The following PRR5L variants were observed in gnomAD, a reference collection of about 807,000 sequenced individuals.
PRR5L encodes the protein proline rich 5 like.
Under a neutral mutation model 36.4 loss-of-function variants are expected in PRR5L, and 21 were observed. The ratio of observed to expected loss-of-function variants is 0.58; its 90% confidence interval spans 0.41 to 0.83. The LOEUF is 0.83. Ranked by LOEUF, PRR5L falls within the 40% of genes least tolerant of loss-of-function variation. PRR5L has a pLI of 0.00. For synonymous variants in PRR5L, 188 were observed against 197.0 expected (o/e 0.95, Z 0.38); for missense variants, 381 against 473.3 (o/e 0.80, Z 1.81).
At position 36,319,350 on chromosome 11, in the gene PRR5L, C is replaced by T. The variant is rs190706434; in HGVS notation, c.-126+22912C>T. On this transcript the variant is annotated intron_variant, in intron 1 of 8. Transcript: ENST00000530639. ...GAGCTAACACAAGGAAGAAAGCAGACAGAAGCCAAGAGATGGACGGATTGG... is the reference window on the plus strand; with the variant it reads ...GAGCTAACACAAGGAAGAAAGCAGATAGAAGCCAAGAGATGGACGGATTGG... Among the ~76,000 whole-genome samples the T allele has an allele frequency of 2.3e-3, 350 of 152,346 alleles. 1 individual carries two copies. The highest frequency in any genetic ancestry group is 8.0e-3 in the African/African-American group (333 of 41,582).
intron 1 of PRR5L, among the ~76,000 whole-genome samples, chr11:36,359,973 G>A (rs1355719705): frequency 1.3e-5 from 2 of 151,598 alleles, no homozygotes; most frequent in African/African-American, 4.8e-5. Context: ...GGAGGCAGAG[G>A]TTGCAGTGAG....
At chr11:36,452,882 A>G (rs1325090358) in intron 8 of PRR5L, among the ~76,000 whole-genome samples, 1 of 152,220 alleles carries the variant, frequency 6.6e-6, no homozygotes, top group Non-Finnish European at 1.5e-5. Context: ...GCTTATTAAA[A>G]CTGTATGTTT....
intron 1 of PRR5L, among the ~76,000 whole-genome samples, chr11:36,372,718 C>T (rs80178114): frequency 0.082 from 12,518 of 152,104 alleles, 902 homozygotes; most frequent in African/African-American, 0.19. Context: ...CAGAACTAGC[C>T]AATTACAGAG....
At chr11:36,429,800 T>C (rs1348752934) in intron 4 of PRR5L, among the ~76,000 whole-genome samples, 2 of 152,172 alleles carry the variant, frequency 1.3e-5, no homozygotes, top group African/African-American at 4.8e-5. Flanking sequence ...AGATTTGTGC[T>C]AAGAAGCATT....
chr11:36,338,684 G>C (rs1043682763), intron 1 of PRR5L, among the ~76,000 whole-genome samples: 1 of 152,128 alleles, frequency 6.6e-6, no homozygotes, highest in Non-Finnish European at 1.5e-5. Context: ...AATTTTGTAT[G>C]GAATAAGATG....
chr11:36,395,034 GGT>G (rs1360861520), intron 1 of PRR5L, among the ~76,000 whole-genome samples: 2 of 152,148 alleles, frequency 1.3e-5, no homozygotes, highest in African/African-American at 4.8e-5. Flanking sequence ...TCTAGGCTCT[GGT>G]GGGGGTGGGT....
At chr11:36,407,882 A>G (rs548487529) in intron 3 of PRR5L, among the ~76,000 whole-genome samples, 2 of 152,344 alleles carry the variant, frequency 1.3e-5, no homozygotes, top group South Asian at 4.1e-4. Flanking sequence ...GTTAGCAGAT[A>G]GACTTTGAAG....
intron 6 of PRR5L, among the ~76,000 whole-genome samples, chr11:36,442,667 A>G (rs113700693): frequency 0.02 from 3,004 of 152,224 alleles, 101 homozygotes; most frequent in African/African-American, 0.068. Context: ...AGATACTCTA[A>G]GTCATCACTC....
chr11:36,393,153 T>C (rs1285044968), intron 1 of PRR5L, among the ~76,000 whole-genome samples: 5 of 152,244 alleles, frequency 3.3e-5, no homozygotes, highest in Non-Finnish European at 7.3e-5. Context: ...TGTTGATTGG[T>C]ATCTTTTGCT....
rs552016296 is a variant in PRR5L, at chr11:36,311,711, G to GT, written c.-126+15277dup. The stretch of plus-strand genomic sequence containing the variant: ...TTTCACACAGGGGCTTTTGCTGAAT[G>GT]TTTTGCTTTTTTACTCTGAGAGCTT... On this transcript the variant is annotated intron_variant, in intron 1 of 8. Transcript: ENST00000530639. 2.6e-4 allele frequency among the ~76,000 whole-genome samples: 39 copies of GT among 152,258 alleles called. No homozygotes were observed. The East Asian group carries it at 6.8e-3, about 26-fold the overall frequency.
intron 3 of PRR5L, among the ~76,000 whole-genome samples, chr11:36,409,762 CTT>C (rs576817397): frequency 7.5e-4 from 114 of 152,324 alleles, no homozygotes; most frequent in African/African-American, 2.5e-3. Flanking sequence ...TGTGTCAACT[CTT>C]TTAAAACTCC....
chr11:36,315,903 G>A (rs1039479383), intron 1 of PRR5L, among the ~76,000 whole-genome samples: 3 of 152,228 alleles, frequency 2.0e-5, no homozygotes, highest in African/African-American at 7.2e-5. Context: ...TAAGAAGTGG[G>A]TGGGCCTGTT....
chr11:36,354,188 C>T (rs187943482), intron 1 of PRR5L, among the ~76,000 whole-genome samples: 2 of 152,292 alleles, frequency 1.3e-5, no homozygotes, highest in Non-Finnish European at 2.9e-5. Context: ...CACTTCCTGA[C>T]TGTTTTGAAG....
At chr11:36,419,095 A>C (rs984520818) in intron 3 of PRR5L, among the ~76,000 whole-genome samples, 160 bp from the exon 4 acceptor site, 2 of 152,080 alleles carry the variant, frequency 1.3e-5, no homozygotes, top group African/African-American at 4.8e-5. Flanking sequence ...CCATCACTGC[A>C]ATTCCATGAT....
intron 7 of PRR5L, among the ~76,000 whole-genome samples, chr11:36,449,442 A>G (rs759783094): frequency 1.3e-5 from 2 of 151,856 alleles, no homozygotes; most frequent in Middle Eastern, 3.2e-3. Context: ...ACCCAACTCC[A>G]CCCTTCCCAA....
At chr11:36,395,921 G>A (rs7112712) in intron 1 of PRR5L, among the ~76,000 whole-genome samples, 20,875 of 151,820 alleles carry the variant, frequency 0.14, 1,962 homozygotes, top group African/African-American at 0.27. Flanking sequence ...GTAGAGACAG[G>A]GTCTCACTAC....
chr11:36,383,254 C>G (rs1286214765), intron 1 of PRR5L, among the ~76,000 whole-genome samples: 1 of 152,080 alleles, frequency 6.6e-6, no homozygotes, highest in Non-Finnish European at 1.5e-5. Flanking sequence ...TTTTTTGGTT[C>G]AATTACTTTA....
At chr11:36,397,997 G>T (rs926044030) in intron 1 of PRR5L, among the ~76,000 whole-genome samples, 11 of 151,218 alleles carry the variant, frequency 7.3e-5, no homozygotes, top group Non-Finnish European at 1.5e-5. Context: ...GTTTCTCCAT[G>T]TTGGTCAGGC....
At chr11:36,430,592 A>G (rs1161256736) in intron 4 of PRR5L, among the ~76,000 whole-genome samples, 1 of 151,854 alleles carries the variant, frequency 6.6e-6, no homozygotes, top group Non-Finnish European at 1.5e-5. Context: ...TCAGCCTCCC[A>G]CTCCTTTTTT....
Sources: gnomAD v4.1 joint callset for allele counts (sites outside exome capture counted in the v4.1 genomes callset) on GRCh38, gnomAD v4.1.1 for gene constraint, MANE v1.5 for transcripts, NCBI Gene and HGNC (gene_info 2026-07-23, HGNC 2026-07-21) for gene names.